BEND3: variants seen among roughly 807,000 people sequenced by gnomAD.
BEND3 encodes BEN domain-containing protein 3.
A neutral mutation model predicts 60.1 loss-of-function variants in BEND3; 13 were observed. That is an observed-to-expected ratio of 0.22 (90% CI 0.14 to 0.34). The LOEUF is 0.34. Among genes scored for constraint, BEND3 ranks in the 10% least tolerant of loss-of-function variants. The probability of loss-of-function intolerance (pLI) is 1.00; values close to 1 mark genes in which losing one functional copy is unlikely to be tolerated. For synonymous variants in BEND3, 497 were observed against 491.5 expected (o/e 1.01, Z -0.15); for missense variants, 896 against 1,138.1 (o/e 0.79, Z 3.06).
At chr6:107,097,018 T>G (rs1775599107) in intron 3 of BEND3, among the ~76,000 whole-genome samples, 1 of 151,350 alleles carries the variant, frequency 6.6e-6, no homozygotes, top group African/African-American at 2.4e-5. Context: ...AACAAAAACA[T>G]TAAATTATAT....
intron 1 of BEND3, among the ~76,000 whole-genome samples, chr6:107,100,329 G>C (rs34511290): frequency 1.1e-4 from 16 of 152,152 alleles, no homozygotes; most frequent in Middle Eastern, 3.4e-3. Flanking sequence ...TGCAACCTCC[G>C]CCTCCTGGGT....
Position 107,068,642 on chromosome 6 carries a change from T to C in BEND3, c.*62A>G. 2 of 1,562,064 alleles carry C rather than the reference T, an allele frequency of 1.3e-6. No homozygotes were observed. The highest frequency in any genetic ancestry group is 1.7e-6 in the Non-Finnish European group (2 of 1,152,628). ...AGGCGTGCTCCCAAGTATTGCTCAG[T>C]CCCAAGGGTGCCCATCGCTCAGCCT... is the stretch of plus-strand genomic sequence containing the variant. On this transcript the variant is annotated 3_prime_UTR_variant, in exon 4 of 4. Coordinates refer to ENST00000369042, the MANE Select transcript of BEND3 (RefSeq NM_001367314.1). The surrounding 1 kb of genome is among the most constrained non-coding windows in gnomAD (Gnocchi z 5.8).
chr6:107,082,824 T>C (rs1251257523), intron 3 of BEND3, among the ~76,000 whole-genome samples: 2 of 152,222 alleles, frequency 1.3e-5, no homozygotes, highest in African/African-American at 4.8e-5. Context: ...TTGTCTTTCA[T>C]TTCCCGAATT....
chr6:107,079,344 G>A (rs1263799574), intron 3 of BEND3, among the ~76,000 whole-genome samples: 1 of 152,148 alleles, frequency 6.6e-6, no homozygotes, highest in African/African-American at 2.4e-5. Flanking sequence ...GGTGTGATCC[G>A]ATTCTTCTGG....
In BEND3 at chr6:107,069,857, G is replaced by A. The variant is rs782316621; in HGVS notation, c.1334C>T (p.Pro445Leu). The change falls in exon 4 of 4, where the codon CCG becomes CTG. Residue 445 changes from proline to leucine, a missense_variant. Around this residue, in one of 4 missense-constraint regions of BEND3, gnomAD observed 846 missense variants for 1,036.7 expected, o/e 0.82. Transcript: ENST00000369042. ...GTTGCGGATGATCTGCAGCCGCTGC[G>A]GGTCCAGCTCCTGCTTTCCACCGTC... ...YGDGGKQELD[P>L]QRLQIIRNYT... The A allele has an allele frequency of 2.8e-5, 45 of 1,613,630 alleles. No homozygotes were observed. In the Admixed American group the frequency reaches 6.0e-4, roughly 22 times the overall value.
chr6:107,066,366 C>CCCA lies in BEND3; in HGVS notation c.*2335_*2337dup, dbSNP rs1268250074. 105 of 152,632 alleles carry CCCA rather than the reference C, an allele frequency of 6.9e-4. No individual in the cohort carries two copies. The highest frequency in any genetic ancestry group is 2.5e-3 in the African/African-American group (103 of 41,544). The allele number at this position is 152,632 out of a possible 1,614,324, so 9.5% of individuals were successfully genotyped here. On this transcript the variant is annotated 3_prime_UTR_variant, in exon 4 of 4. Transcript: ENST00000369042. The stretch of plus-strand genomic sequence containing the variant: ...CGACAGTCCAGAGATGGTGAGAGTT[C>CCCA]CCACGTGTGTCCACTTCTCTTCACA...
intron 3 of BEND3, among the ~76,000 whole-genome samples, chr6:107,080,370 AAAAAAAAC>A (rs1775204248): frequency 2.8e-5 from 4 of 145,364 alleles, no homozygotes; most frequent in African/African-American, 1.1e-4. Context: ...AAAAAAAAAA[AAAAAAAAC>A]AAAAAACAGG....
rs782117275 is a variant in BEND3, at chr6:107,069,917, T to C, written c.1274A>G (p.His425Arg). Reference protein sequence around the residue: ...LHRLFPELFDHRKLGEQYSCY... With the variant: ...LHRLFPELFDRRKLGEQYSCY... ...GCTGTACTGTTCACCCAGCTTGCGG[T>C]GGTCGAAGAGCTCGGGGAAGAGCCG... Residue 425 changes from histidine (H) to arginine (R), a missense_variant, in exon 4 of 4, where the codon CAC becomes CGC. Physicochemically the swap from His to Arg is conservative, Grantham distance 29 (BLOSUM62 0). Transcript: ENST00000369042. 1.9e-6 allele frequency: 3 copies of C among 1,613,854 alleles called. No homozygotes were observed. Among genetic ancestry groups the C allele is most frequent in the East Asian group, 4.5e-5 (2 of 44,868 alleles).
chr6:107,105,488 G>C (rs62427977), intron 1 of BEND3, among the ~76,000 whole-genome samples: 40,502 of 151,978 alleles, frequency 0.27, 5,869 homozygotes, highest in Non-Finnish European at 0.32. Context: ...ATTTCCAAAA[G>C]GACATTCTCT....
At chr6:107,075,161 G>A (rs1246065743) in intron 3 of BEND3, among the ~76,000 whole-genome samples, 1 of 151,680 alleles carries the variant, frequency 6.6e-6, no homozygotes, top group Non-Finnish European at 1.5e-5. Flanking sequence ...TGGAGGTGGA[G>A]GTTGCAGTGA....
At chr6:107,114,077 G>A (rs1239231300) in intron 1 of BEND3, 3 of 152,224 alleles carry the variant, frequency 2.0e-5, no homozygotes, top group African/African-American at 7.2e-5. Context: ...AAGACCACCT[G>A]AGCAATCAAT....
chr6:107,087,774 G>C (rs1775385163), intron 3 of BEND3, among the ~76,000 whole-genome samples: 1 of 148,736 alleles, frequency 6.7e-6, no homozygotes, highest in African/African-American at 2.5e-5. Context: ...ATGGTCAATG[G>C]ACACACAAAT....
intron 3 of BEND3, among the ~76,000 whole-genome samples, chr6:107,078,518 A>ACG (rs1775145730): frequency 1.4e-5 from 1 of 72,898 alleles, no homozygotes; most frequent in Non-Finnish European, 2.9e-5. Context: ...GCAGTGGTGC[A>ACG]ATCTCGGCTC....
chr6:107,080,096 T>C (rs1385085994), intron 3 of BEND3, among the ~76,000 whole-genome samples: 1 of 151,670 alleles, frequency 6.6e-6, no homozygotes, highest in Non-Finnish European at 1.5e-5. Flanking sequence ...ATGAAAGTGC[T>C]TCAGAAAACA....
At chr6:107,080,378 C>A (rs1177984532) in intron 3 of BEND3, among the ~76,000 whole-genome samples, 2,159 of 101,256 alleles carry the variant, frequency 0.021, 20 homozygotes, top group African/African-American at 0.053. Context: ...AAAAAAAAAA[C>A]AAAAAACAGG....
Position 107,098,604 on chromosome 6 carries a change from C to T in BEND3, c.187G>A (p.Asp63Asn), listed in dbSNP as rs782193495. ...CCGGGGACAGAGTCTAGCAGGCCAT[C>T]GCTGACCAGCTGCTTTCGTTTGCTG... ...DSSKRKQLVS[D>N]GLLDSVPGVK... Residue 63 changes from aspartate to asparagine, a missense_variant, in exon 3 of 4, where the codon GAT becomes AAT. Coordinates refer to ENST00000369042, the MANE Select transcript of BEND3 (RefSeq NM_001367314.1). The T allele has an allele frequency of 3.7e-6, 6 of 1,613,704 alleles. No individual in the cohort carries two copies. Among genetic ancestry groups the T allele is most frequent in the South Asian group, 2.2e-5 (2 of 91,062 alleles).
Position 107,065,230 on chromosome 6 carries a change from A to AT in BEND3, c.*3473dup, listed in dbSNP as rs1774802741. ...ATATAACTCATAAAACAGTGTTTGT[A>AT]TAAAAATTCACACAAAGTTGCTAGA... On this transcript the variant is annotated 3_prime_UTR_variant, in exon 4 of 4. Transcript: ENST00000369042. 1 of 152,670 alleles carries AT rather than the reference A, an allele frequency of 6.6e-6. No homozygotes were observed. Among genetic ancestry groups the AT allele is most frequent in the Non-Finnish European group, 1.5e-5 (1 of 68,036 alleles). 9.5% of individuals were successfully genotyped at this position (152,670 alleles called of 1,614,324 possible). A position where few individuals can be genotyped will look rare whatever the true frequency, so the allele number is the denominator to read the frequency against.
chr6:107,081,705 A>C (rs1253874733), intron 3 of BEND3, among the ~76,000 whole-genome samples: 1 of 152,018 alleles, frequency 6.6e-6, no homozygotes, highest in Non-Finnish European at 1.5e-5. Context: ...TAAACATGTC[A>C]GAGTCCCTGG....
chr6:107,102,173 G>A (rs536750996), intron 1 of BEND3, among the ~76,000 whole-genome samples: 13 of 152,254 alleles, frequency 8.5e-5, no homozygotes, highest in African/African-American at 3.1e-4. Flanking sequence ...GTGGTGAGAA[G>A]GGCAGTCTAT....
Sources: allele counts gnomAD v4.1 joint callset (sites outside exome capture counted in the v4.1 genomes callset), GRCh38; gene constraint gnomAD v4.1.1; regional missense constraint gnomAD v4.1.1; non-coding constraint Gnocchi (gnomAD v3.1); transcripts MANE v1.5; gene names NCBI Gene and HGNC (gene_info 2026-07-23, HGNC 2026-07-21).